Variants in PCDHGB5 observed in about 807,000 individuals in gnomAD.
PCDHGB5 encodes the protein protocadherin gamma subfamily B, 5.
A neutral mutation model predicts 62.9 loss-of-function variants in PCDHGB5; 48 were observed. The ratio of observed to expected loss-of-function variants is 0.76; its 90% confidence interval spans 0.61 to 0.97. PCDHGB5 has a LOEUF of 0.97. Ranked by LOEUF, PCDHGB5 falls within the 50% of genes least tolerant of loss-of-function variation. The probability of loss-of-function intolerance (pLI) is 0.00; values close to 1 mark genes in which losing one functional copy is unlikely to be tolerated. For synonymous variants in PCDHGB5, 474 were observed against 511.2 expected (o/e 0.93, Z 0.98); for missense variants, 1,118 against 1,198.6 (o/e 0.93, Z 0.99).
chr5:141,492,257 A>G (rs955890030), intron 1 of PCDHGB5, among the ~76,000 whole-genome samples: 1 of 152,126 alleles, frequency 6.6e-6, no homozygotes, highest in Non-Finnish European at 1.5e-5. Flanking sequence ...GGCCCACACA[A>G]GTTGCACGGG....
Position 141,485,060 on chromosome 5 carries a change from G to T in PCDHGB5, c.2398-9747G>T. The T allele has an allele frequency of 1.2e-6, 1 of 862,304 alleles. No individual in the cohort carries two copies. 53.4% of individuals were successfully genotyped at this position (862,304 alleles called of 1,614,324 possible). ...ACCCTTGCGGCGCCGGCCGAACCGC[G>T]CCAGAGCTGGCGCGGGGAAAGGGAG... On this transcript the variant is annotated intron_variant, in intron 1 of 3. Coordinates refer to ENST00000617380, the MANE Select transcript of PCDHGB5 (RefSeq NM_018925.3). The surrounding 1 kb of genome is among the most constrained non-coding windows in gnomAD (Gnocchi z 5.7).
In PCDHGB5 at chr5:141,477,868, C is replaced by A; in HGVS notation, c.2398-16939C>A. The A allele has an allele frequency of 6.2e-7, 1 of 1,613,750 alleles. No homozygotes were observed. Among genetic ancestry groups the A allele is most frequent in the Non-Finnish European group, 8.5e-7 (1 of 1,179,908 alleles). ...CGGTGGAGATGCTGCCTCGAGGTAC[C>A]TCAGCTGGCCACCTAGTGTCACGGG... On this transcript the variant is annotated intron_variant, in intron 1 of 3. Coordinates refer to ENST00000617380, the MANE Select transcript of PCDHGB5 (RefSeq NM_018925.3). The surrounding 1 kb of genome is among the most constrained non-coding windows in gnomAD (Gnocchi z 4.9).
At chr5:141,421,754 A>G (rs1230343518) in intron 1 of PCDHGB5, 4 of 1,613,918 alleles carry the variant, frequency 2.5e-6, no homozygotes, top group East Asian at 2.2e-5. Context: ...CTCAGCCCTA[A>G]TAATTACTTT....
At chr5:141,478,443 C>T (rs2099456258) in intron 1 of PCDHGB5, 3 of 1,613,494 alleles carry the variant, frequency 1.9e-6, no homozygotes, top group Admixed American at 1.7e-5. Flanking sequence ...CTGAAGAAAC[C>T]TGGTGCAGCC....
chr5:141,447,427 C>T (rs752438597), intron 1 of PCDHGB5, among the ~76,000 whole-genome samples: 2 of 152,174 alleles, frequency 1.3e-5, no homozygotes, highest in Non-Finnish European at 2.9e-5. Context: ...CGTGAGCCAC[C>T]GCACCCGGAG....
At chr5:141,410,348 C>T (rs761119683) in intron 1 of PCDHGB5, 3 of 1,614,034 alleles carry the variant, frequency 1.9e-6, no homozygotes, top group East Asian at 2.2e-5. Context: ...CTTGCGCCTG[C>T]GACGCTCTCT....
In PCDHGB5 at chr5:141,476,238, G is replaced by A; in HGVS notation, c.2398-18569G>A. The A allele has an allele frequency of 1.2e-6, 2 of 1,614,098 alleles. No individual in the cohort carries two copies. ...ATTCACTATGAGATCCCGGAGGAAAGAGAGAAGGGTTTCGCTGTGGGCAAC... is the reference window on the plus strand; with the variant it reads ...ATTCACTATGAGATCCCGGAGGAAAAAGAGAAGGGTTTCGCTGTGGGCAAC... On this transcript the variant is annotated intron_variant, in intron 1 of 3. Coordinates refer to ENST00000617380, the MANE Select transcript of PCDHGB5 (RefSeq NM_018925.3). The surrounding 1 kb of genome is among the most constrained non-coding windows in gnomAD (Gnocchi z 7.6).
At chr5:141,414,897 C>A (rs2095799678) in intron 1 of PCDHGB5, 7 of 1,614,230 alleles carry the variant, frequency 4.3e-6, no homozygotes, top group Non-Finnish European at 5.9e-6. Flanking sequence ...TCCCCACAGA[C>A]GGTTCCACAG....
In PCDHGB5 at chr5:141,495,260, G is replaced by A. The variant is rs368797742; in HGVS notation, c.2456+395G>A. On this transcript the variant is annotated intron_variant, in intron 2 of 3. Transcript: ENST00000617380. ...TATGACCTGGGGCTCAGGCAGAAAA[G>A]CATTTGACCGGAGGAGGCGGTCCGC... Among the ~76,000 whole-genome samples the A allele has an allele frequency of 3.3e-5, 5 of 152,208 alleles. No individual in the cohort carries two copies. The East Asian group carries it at 5.8e-4, about 18-fold the overall frequency.
Position 141,489,338 on chromosome 5 carries a change from A to T in PCDHGB5, c.2398-5469A>T, listed in dbSNP as rs1303176012. 1 of 1,608,414 alleles carries T rather than the reference A, an allele frequency of 6.2e-7. No homozygotes were observed. Among genetic ancestry groups the T allele is most frequent in the South Asian group, 1.1e-5 (1 of 90,478 alleles). ...GGCTGGGTGTCTGGGCAGCTTCGTTACTCAGTGGTGGAGGAGTCTGAGCCG... is the reference window on the plus strand; with the variant it reads ...GGCTGGGTGTCTGGGCAGCTTCGTTTCTCAGTGGTGGAGGAGTCTGAGCCG... On this transcript the variant is annotated intron_variant, in intron 1 of 3. Coordinates refer to ENST00000617380, the MANE Select transcript of PCDHGB5 (RefSeq NM_018925.3). This position sits in a 1 kb window ranked among gnomAD's most constrained non-coding sequence, Gnocchi z 4.5.
intron 1 of PCDHGB5, chr5:141,419,816 C>T (rs910172118): frequency 1.2e-6 from 2 of 1,614,058 alleles, no homozygotes; most frequent in Non-Finnish European, 8.5e-7. Context: ...AGGACAGCCA[C>T]CCCTTTCAGC....
chr5:141,492,579 G>T (rs547852117), intron 1 of PCDHGB5, among the ~76,000 whole-genome samples: 2 of 152,356 alleles, frequency 1.3e-5, no homozygotes, highest in East Asian at 1.9e-4. Context: ...GAGGCGCGGG[G>T]CCAGGAGCGC....
chr5:141,432,797 T>C lies in PCDHGB5; in HGVS notation c.2397+32273T>C, dbSNP rs1591218426. On this transcript the variant is annotated intron_variant, in intron 1 of 3. Coordinates refer to ENST00000617380, the MANE Select transcript of PCDHGB5 (RefSeq NM_018925.3). The surrounding 1 kb of genome is among the most constrained non-coding windows in gnomAD (Gnocchi z 6.0). The stretch of plus-strand genomic sequence containing the variant: ...CCTGGCGGACCTCGGCAGCCTCGAG[T>C]CTCCAGCTAACTCTGAAACCTCAGA... 2.5e-6 allele frequency: 4 copies of C among 1,613,752 alleles called. No individual in the cohort carries two copies. The highest frequency in any genetic ancestry group is 2.7e-5 in the African/African-American group (2 of 74,816).
intron 1 of PCDHGB5, among the ~76,000 whole-genome samples, chr5:141,492,474 G>T (rs2099741007): frequency 6.6e-6 from 1 of 152,218 alleles, no homozygotes; most frequent in African/African-American, 2.4e-5. Context: ...CCCAGATCGC[G>T]GCCGCCCAGG....
chr5:141,478,127 C>T (rs1323163663), intron 1 of PCDHGB5: 1 of 1,613,988 alleles, frequency 6.2e-7, no homozygotes, highest in Admixed American at 1.7e-5. Flanking sequence ...CGAGGACTCT[C>T]CTGAAGCCCG....
Position 141,491,188 on chromosome 5 carries a change from G to A in PCDHGB5, c.2398-3619G>A. On this transcript the variant is annotated intron_variant, in intron 1 of 3. Transcript: ENST00000617380. This position sits in a 1 kb window ranked among gnomAD's most constrained non-coding sequence, Gnocchi z 6.9. Reference sequence around the variant, plus strand: ...CCAGCAGGTGGTGGTCCTGGTGAGGGACAATGGTGACCCTTCACTCTCCTC... The same window carrying A: ...CCAGCAGGTGGTGGTCCTGGTGAGGAACAATGGTGACCCTTCACTCTCCTC... The A allele has an allele frequency of 6.2e-7, 1 of 1,614,198 alleles. No individual in the cohort carries two copies. The highest frequency in any genetic ancestry group is 1.1e-5 in the South Asian group (1 of 91,086).
At chr5:141,468,748 C>T (rs2099176836) in intron 1 of PCDHGB5, among the ~76,000 whole-genome samples, 1 of 151,866 alleles carries the variant, frequency 6.6e-6, no homozygotes, top group South Asian at 2.1e-4. Context: ...TGCCTGTAGT[C>T]CCAGCTACTC....
chr5:141,462,198 G>C (rs2099034283), intron 1 of PCDHGB5, among the ~76,000 whole-genome samples: 1 of 152,182 alleles, frequency 6.6e-6, no homozygotes, highest in Non-Finnish European at 1.5e-5. Context: ...GACCTCAGGT[G>C]ATCCGCCTGC....
In PCDHGB5 at chr5:141,491,198, A is replaced by T. The variant is rs1344758185; in HGVS notation, c.2398-3609A>T. ...GTGGTCCTGGTGAGGGACAATGGTG[A>T]CCCTTCACTCTCCTCCACAGCCACA... On this transcript the variant is annotated intron_variant, in intron 1 of 3. Coordinates refer to ENST00000617380, the MANE Select transcript of PCDHGB5 (RefSeq NM_018925.3). This position sits in a 1 kb window ranked among gnomAD's most constrained non-coding sequence, Gnocchi z 6.9. 1.2e-6 allele frequency: 2 copies of T among 1,613,912 alleles called. No individual in the cohort carries two copies. The highest frequency in any genetic ancestry group is 1.3e-5 in the African/African-American group (1 of 74,866).
Sources: gnomAD v4.1 joint callset for allele counts (sites outside exome capture counted in the v4.1 genomes callset) on GRCh38, gnomAD v4.1.1 for gene constraint, Gnocchi (gnomAD v3.1) non-coding constraint, MANE v1.5 for transcripts, NCBI Gene and HGNC (gene_info 2026-07-23, HGNC 2026-07-21) for gene names.